Variants in DPY19L4 observed in about 807,000 individuals in gnomAD.
DPY19L4 encodes dpy-19 like 4.
In DPY19L4, 97 loss-of-function variants were observed where a neutral mutation model predicts 102.8. The observed-to-expected ratio is 0.94, with a 90% CI of 0.80 to 1.12. The LOEUF is 1.12. DPY19L4 is among the 50% of genes most tolerant of loss of function. The probability of loss-of-function intolerance (pLI) is 0.00; values close to 1 mark genes in which losing one functional copy is unlikely to be tolerated. For missense variants in DPY19L4, 815 were observed against 850.4 expected, an observed-to-expected ratio of 0.96 and a Z score of 0.52; for synonymous variants, 252 against 283.1, an observed-to-expected ratio of 0.89 and a Z score of 1.10.
chr8:94,788,021 T>C lies in DPY19L4; in HGVS notation c.1976T>C (p.Val659Ala). ...GTGGGACCCATGAGAGGCTGTAGGG[T>C]TAAAGATTTATTAGACATTGCAAAT... The part of the protein sequence containing the change: ...NEVGPMRGCR[V>A]KDLLDIANGH... Residue 659 changes from valine (V) to alanine (A), a missense_variant, in exon 18 of 19, where the codon GTT becomes GCT. Transcript: ENST00000414645. 6.7e-7 allele frequency: 1 copy of C among 1,488,220 alleles called. No homozygotes were observed. The highest frequency in any genetic ancestry group is 8.9e-7 in the Non-Finnish European group (1 of 1,119,836). The allele number at this position is 1,488,220 out of a possible 1,614,324, so 92.2% of individuals were successfully genotyped here. A position where few individuals can be genotyped will look rare whatever the true frequency, so the allele number is the denominator to read the frequency against.
chr8:94,779,006 A>G (rs940709732), intron 14 of DPY19L4, among the ~76,000 whole-genome samples: 3 of 152,114 alleles, frequency 2.0e-5, no homozygotes, highest in Non-Finnish European at 4.4e-5. Context: ...TGTCTGCCTC[A>G]TGCAAAGTGA....
intron 6 of DPY19L4, among the ~76,000 whole-genome samples, chr8:94,752,625 A>G (rs1353846335): frequency 6.8e-6 from 1 of 146,460 alleles, no homozygotes; most frequent in Non-Finnish European, 1.5e-5. Flanking sequence ...CTTGTAGCCC[A>G]CAGCCTCGCT....
At chr8:94,720,302 G>A (rs1007532429) in intron 1 of DPY19L4, 3 of 975,650 alleles carry the variant, frequency 3.1e-6, no homozygotes, top group South Asian at 4.7e-5. Context: ...TGGGAAAGAG[G>A]GAGGGTCCTG....
intron 6 of DPY19L4, among the ~76,000 whole-genome samples, chr8:94,740,580 G>T (rs1811401227): frequency 6.6e-6 from 1 of 151,930 alleles, no homozygotes; most frequent in African/African-American, 2.4e-5. Context: ...TCAGCCTCGG[G>T]AGTAGCTGGG....
intron 14 of DPY19L4, among the ~76,000 whole-genome samples, chr8:94,778,952 G>A (rs978465709): frequency 4.6e-5 from 7 of 152,138 alleles, no homozygotes; most frequent in East Asian, 1.9e-4. Context: ...GTCATGCTGC[G>A]GAGCTGGCTC....
At chr8:94,720,862 A>G (rs1167913436) in intron 1 of DPY19L4, among the ~76,000 whole-genome samples, 3 of 152,166 alleles carry the variant, frequency 2.0e-5, no homozygotes, top group African/African-American at 4.8e-5. Context: ...AGATTTTTGC[A>G]TTCTGGTGGA....
intron 2 of DPY19L4, among the ~76,000 whole-genome samples, chr8:94,728,985 G>A (rs556661391): frequency 7.9e-5 from 12 of 151,168 alleles, no homozygotes; most frequent in East Asian, 5.9e-4. Context: ...GTTCAGGACC[G>A]TCCTGGACAA....
At chr8:94,781,336 G>A (rs985680400) in intron 16 of DPY19L4, among the ~76,000 whole-genome samples, 170 bp downstream of exon 16, 33 of 152,102 alleles carry the variant, frequency 2.2e-4, no homozygotes, top group African/African-American at 6.0e-4. Flanking sequence ...CTAATTTTCC[G>A]CTCATCTCCA....
chr8:94,768,685 A>G (rs868645206), intron 12 of DPY19L4, 132 bp downstream of exon 12: 5 of 647,542 alleles, frequency 7.7e-6, no homozygotes, highest in Non-Finnish European at 6.9e-6. Flanking sequence ...TTTCATTGAC[A>G]TGGAAAATAT....
rs1469554200 is a variant in DPY19L4, at chr8:94,739,724, C to A, written c.545C>A (p.Thr182Lys). The change falls in exon 6 of 19, where the codon ACA (threonine) becomes AAA (lysine). Residue 182 changes from threonine (T) to lysine (K), a missense_variant. Thr to Lys is a moderately conservative substitution (Grantham distance 78, BLOSUM62 -1). Coordinates refer to ENST00000414645, the MANE Select transcript of DPY19L4 (RefSeq NM_181787.3). ...QGIYVTALFVTSWLMSGTWLA... is the reference protein window; with the variant it reads ...QGIYVTALFVKSWLMSGTWLA... ...ATATATGTTACTGCTTTATTTGTTA[C>A]AAGTTGGCTTATGAGTGGAACATGG... is the stretch of plus-strand genomic sequence containing the variant. 6.2e-7 allele frequency: 1 copy of A among 1,613,384 alleles called. No individual in the cohort carries two copies. The highest frequency in any genetic ancestry group is 1.3e-5 in the African/African-American group (1 of 74,900).
At chr8:94,759,361 C>T (rs972814168) in intron 7 of DPY19L4, among the ~76,000 whole-genome samples, 6 of 152,110 alleles carry the variant, frequency 3.9e-5, no homozygotes, top group African/African-American at 1.4e-4. Context: ...TTACAGAGCA[C>T]TGATTGGTGC....
At chr8:94,789,696 G>A (rs1268322510) in intron 18 of DPY19L4, 50 bp from the exon 19 acceptor site, 3 of 1,457,530 alleles carry the variant, frequency 2.1e-6, no homozygotes, top group Non-Finnish European at 2.8e-6. Context: ...TTGCATTTCT[G>A]CTATAAGCTT....
rs1046541104 is a variant in DPY19L4 at position 94,791,114 on chromosome 8, G to A, written c.*1204G>A. On this transcript the variant is annotated 3_prime_UTR_variant, in exon 19 of 19. Coordinates refer to ENST00000414645, the MANE Select transcript of DPY19L4 (RefSeq NM_181787.3). ...TTTAATAAGTTGGGATACATGTTTA[G>A]TTTTTCCTTATATTCCTGTTCAGTG... 3 of 152,086 alleles carry A rather than the reference G, an allele frequency of 2.0e-5. No homozygotes were observed. The highest frequency in any genetic ancestry group is 4.4e-5 in the Non-Finnish European group (3 of 67,952). 9.4% of individuals were successfully genotyped at this position (152,086 alleles called of 1,614,324 possible).
chr8:94,776,506 A>T (rs1052035764), intron 13 of DPY19L4, among the ~76,000 whole-genome samples: 2 of 140,388 alleles, frequency 1.4e-5, no homozygotes, highest in Non-Finnish European at 3.2e-5. Flanking sequence ...TATCTACATT[A>T]AAAAAAAAAA....
intron 8 of DPY19L4, among the ~76,000 whole-genome samples, chr8:94,763,687 ATT>A (rs35412690): frequency 6.9e-6 from 1 of 144,668 alleles, no homozygotes; most frequent in African/African-American, 2.5e-5. Flanking sequence ...CACCGGGCTC[ATT>A]TTTTTTTTTT....
At chr8:94,734,988 T>A (rs1477709649) in intron 3 of DPY19L4, among the ~76,000 whole-genome samples, 1 of 152,248 alleles carries the variant, frequency 6.6e-6, no homozygotes, top group Non-Finnish European at 1.5e-5. Context: ...GGACTTTTGA[T>A]GACAGTGAAA....
At position 94,793,574 on chromosome 8, in the gene DPY19L4, C is replaced by T. The variant is rs181183668; in HGVS notation, c.*3664C>T. 42 of 152,196 alleles carry T rather than the reference C, an allele frequency of 2.8e-4. 1 individual carries two copies. In the East Asian group the frequency reaches 6.8e-3, roughly 24 times the overall value. The allele number at this position is 152,196 out of a possible 1,614,324, so 9.4% of individuals were successfully genotyped here. On this transcript the variant is annotated 3_prime_UTR_variant, in exon 19 of 19. Coordinates refer to ENST00000414645, the MANE Select transcript of DPY19L4 (RefSeq NM_181787.3). ...TTTCATTTGCCCAATTTAAAAAATA[C>T]GTAGTCTCTATTGTTGCTGTTTACT...
chr8:94,768,514 G>A lies in DPY19L4; in HGVS notation c.1295G>A (p.Cys432Tyr). 2 of 1,569,724 alleles carry A rather than the reference G, an allele frequency of 1.3e-6. No homozygotes were observed. The highest frequency in any genetic ancestry group is 1.7e-6 in the Non-Finnish European group (2 of 1,150,494). ...TTCTACATTCTAGTGTTAATTATTT[G>A]TTTTCTTTCTATGTTGCAAGTTATT... The part of the protein sequence containing the change: ...LPFYILVLII[C>Y]FLSMLQVIFR... The change falls in exon 12 of 19, where the codon TGT (cysteine) becomes TAT (tyrosine). Residue 432 changes from cysteine to tyrosine, a missense_variant. Transcript: ENST00000414645.
intron 6 of DPY19L4, among the ~76,000 whole-genome samples, chr8:94,749,459 T>A (rs1418303195): frequency 2.0e-5 from 3 of 152,120 alleles, no homozygotes; most frequent in Admixed American, 1.3e-4. Context: ...GTGGAGGACA[T>A]TTATAACCTT....
Sources: allele counts gnomAD v4.1 joint callset (sites outside exome capture counted in the v4.1 genomes callset), GRCh38; gene constraint gnomAD v4.1.1; transcripts MANE v1.5; gene names NCBI Gene and HGNC (gene_info 2026-07-23, HGNC 2026-07-21).